The following NALCN variants were observed in gnomAD, a reference collection of about 807,000 sequenced individuals.
NALCN encodes the protein sodium leak channel NALCN.
In NALCN, 111 loss-of-function variants were observed where a neutral mutation model predicts 225.3. That is an observed-to-expected ratio of 0.49 (90% confidence interval 0.42 to 0.58). The LOEUF (loss-of-function observed/expected upper bound fraction) is 0.58, where lower values mean the gene tolerates loss of function less well. Ranked by LOEUF, NALCN falls within the 20% of genes least tolerant of loss-of-function variation. The pLI, the probability that NALCN is intolerant of heterozygous loss-of-function variation, is 0.00. For missense variants in NALCN, 1,378 were observed against 2,202.4 expected (o/e 0.63, Z 7.49); for synonymous variants, 764 against 769.0 (o/e 0.99, Z 0.11).
chr13:101,273,686 C>A (rs939175315), intron 10 of NALCN, among the ~76,000 whole-genome samples: 4 of 151,894 alleles, frequency 2.6e-5, no homozygotes, highest in African/African-American at 9.7e-5. Flanking sequence ...GAGATCGAGA[C>A]CATCCTGGCT....
intron 13 of NALCN, among the ~76,000 whole-genome samples, chr13:101,223,274 C>T (rs763761573): frequency 6.6e-6 from 1 of 152,182 alleles, no homozygotes; most frequent in African/African-American, 2.4e-5. Flanking sequence ...AGCTTCACCC[C>T]ATTCCAACAC....
At chr13:101,160,478 C>G (rs910866942) in intron 15 of NALCN, among the ~76,000 whole-genome samples, 2 of 152,190 alleles carry the variant, frequency 1.3e-5, no homozygotes, top group Non-Finnish European at 2.9e-5. Context: ...ATGGCACTCA[C>G]ATCTGCTTCC....
At chr13:101,257,822 TATTG>T (rs746777200) in intron 11 of NALCN, among the ~76,000 whole-genome samples, 3 of 152,206 alleles carry the variant, frequency 2.0e-5, no homozygotes, top group Non-Finnish European at 4.4e-5. Flanking sequence ...GCAAAATGCT[TATTG>T]AAAGAAATAA....
At chr13:101,112,209 A>AAGCACAC (rs1257955594) in intron 18 of NALCN, among the ~76,000 whole-genome samples, 1 of 152,084 alleles carries the variant, frequency 6.6e-6, no homozygotes, top group African/African-American at 2.4e-5. Flanking sequence ...AAAAAAAAAA[A>AAGCACAC]AGCACACAGT....
rs771483768 is a variant in NALCN, at chr13:101,399,133, G to T, written c.-7C>A. ...TCTGCTTCCTTTTGAGCATGCTGAG[G>T]TTAGCTTTGGTGAGCAAGCACAAAA... On this transcript the variant is annotated 5_prime_UTR_variant, in exon 2 of 44. Coordinates refer to ENST00000251127, the MANE Select transcript of NALCN (RefSeq NM_052867.4). 4.6e-5 allele frequency: 74 copies of T among 1,612,792 alleles called. No individual in the cohort carries two copies. The South Asian group carries it at 8.0e-4, about 17-fold the overall frequency.
intron 13 of NALCN, among the ~76,000 whole-genome samples, chr13:101,208,838 G>T (rs2040419466): frequency 6.6e-6 from 1 of 152,180 alleles, no homozygotes; most frequent in Non-Finnish European, 1.5e-5. Flanking sequence ...ATGACTGGAA[G>T]CTTGCTGAGG....
At chr13:101,186,583 G>A (rs2039457277) in intron 14 of NALCN, among the ~76,000 whole-genome samples, 1 of 152,020 alleles carries the variant, frequency 6.6e-6, no homozygotes, top group African/African-American at 2.4e-5. Context: ...GTATAGAAGT[G>A]ATAATCTTTG....
chr13:101,328,742 C>T (rs956427273), intron 7 of NALCN, among the ~76,000 whole-genome samples: 2 of 152,132 alleles, frequency 1.3e-5, no homozygotes, highest in Non-Finnish European at 2.9e-5. Context: ...CTACTTTAGT[C>T]TTCCTATGAC....
intron 10 of NALCN, among the ~76,000 whole-genome samples, chr13:101,271,685 CAT>C (rs2042782116): frequency 1.3e-5 from 2 of 151,302 alleles, no homozygotes; most frequent in Admixed American, 6.6e-5. Flanking sequence ...TGTGTTTGTG[CAT>C]GTGTGTGTGC....
At position 101,089,570 on chromosome 13, in the gene NALCN, C is replaced by T. The variant is rs1244097390; in HGVS notation, c.3489+93G>A. The T allele has an allele frequency of 1.2e-5, 13 of 1,072,386 alleles. No individual in the cohort carries two copies. Among genetic ancestry groups the T allele is most frequent in the African/African-American group, 4.8e-5 (3 of 62,770 alleles). The allele number at this position is 1,072,386 out of a possible 1,614,324, so 66.4% of individuals were successfully genotyped here. ...ACACCAGTCACATTACAGTTTAAAG[C>T]GGCTTCACGCCGCGTGTGAAAAGAA... is the stretch of plus-strand genomic sequence containing the variant. On this transcript the variant is annotated intron_variant, in intron 30 of 43. Coordinates refer to ENST00000251127, the MANE Select transcript of NALCN (RefSeq NM_052867.4). This position sits in a 1 kb window ranked among gnomAD's most constrained non-coding sequence, Gnocchi z 4.7.
At chr13:101,411,855 T>G (rs561924478) in intron 1 of NALCN, among the ~76,000 whole-genome samples, 2 of 152,314 alleles carry the variant, frequency 1.3e-5, no homozygotes, top group South Asian at 4.1e-4. Flanking sequence ...CTAGTATGTA[T>G]TTCTTCACCT....
At chr13:101,201,767 A>G (rs1384520709) in intron 13 of NALCN, among the ~76,000 whole-genome samples, 1 of 152,222 alleles carries the variant, frequency 6.6e-6, no homozygotes, top group Non-Finnish European at 1.5e-5. Flanking sequence ...TATCATCCAC[A>G]TATAACTTTG....
At chr13:101,385,355 T>TC (rs2046957971) in intron 3 of NALCN, among the ~76,000 whole-genome samples, 1 of 152,090 alleles carries the variant, frequency 6.6e-6, no homozygotes, top group Non-Finnish European at 1.5e-5. Context: ...TTCTCTGATA[T>TC]CCCCAAGCAG....
At chr13:101,116,640 A>G (rs768152991) in intron 18 of NALCN, 1 of 450,328 alleles carries the variant, frequency 2.2e-6, no homozygotes, top group Non-Finnish European at 4.3e-6. Context: ...ATTTTCACTC[A>G]TTATAGAAAA....
intron 18 of NALCN, 102 bp from the exon 19 acceptor site, chr13:101,111,328 A>G (rs1327204119): frequency 3.2e-6 from 3 of 935,814 alleles, no homozygotes; most frequent in East Asian, 2.5e-5. Flanking sequence ...GGCAACACCA[A>G]TGAAAACACA....
At chr13:101,201,378 T>A (rs887813087) in intron 13 of NALCN, among the ~76,000 whole-genome samples, 1 of 152,162 alleles carries the variant, frequency 6.6e-6, no homozygotes, top group Admixed American at 6.5e-5. Context: ...ATCAAAGACA[T>A]CTACTTTCTG....
intron 37 of NALCN, among the ~76,000 whole-genome samples, chr13:101,073,164 G>A (rs1013128525): frequency 5.9e-5 from 9 of 152,252 alleles, no homozygotes; most frequent in Non-Finnish European, 1.3e-4. Flanking sequence ...TAGTATAAAG[G>A]AAGAGTAACT....
At chr13:101,312,403 C>T (rs1055488613) in intron 7 of NALCN, among the ~76,000 whole-genome samples, 82 of 152,148 alleles carry the variant, frequency 5.4e-4, no homozygotes, top group African/African-American at 1.8e-3. Flanking sequence ...CTTCTGCTAG[C>T]TTTTGAATGT....
intron 10 of NALCN, 41 bp downstream of exon 10, chr13:101,283,892 A>C (rs1325231828): frequency 6.6e-7 from 1 of 1,508,720 alleles, no homozygotes; most frequent in Admixed American, 2.2e-5. Flanking sequence ...AAATTCAAAG[A>C]CCTTTGCTGG....
Sources: allele counts gnomAD v4.1 joint callset (sites outside exome capture counted in the v4.1 genomes callset), GRCh38; gene constraint gnomAD v4.1.1; non-coding constraint Gnocchi (gnomAD v3.1); transcripts MANE v1.5; gene names NCBI Gene and HGNC (gene_info 2026-07-23, HGNC 2026-07-21).